The following TEX15 variants were observed in gnomAD, a reference collection of about 807,000 sequenced individuals.
The protein encoded by TEX15 is testis-expressed protein 15.
TEX15 carries 171 observed loss-of-function variants against 237.3 expected under a neutral mutation model. That is an observed-to-expected ratio of 0.72 (90% CI 0.64 to 0.82). The LOEUF is 0.82. TEX15 is among the 40% of genes least tolerant of loss of function. The pLI is 0.00. For missense variants in TEX15, 3,750 were observed against 3,646.5 expected (o/e 1.03, Z -0.73); for synonymous variants, 1,338 against 1,269.8 (o/e 1.05, Z -1.14).
rs771005515 is a variant in TEX15 at position 30,846,891 on chromosome 8, T to C, written c.3276A>G (p.Ser1092=). ...ENMLCEEFVT[S]YKALKSRISW... is the part of the protein sequence containing the mutation. Reference sequence around the variant, plus strand: ...TGATACGAGACTTCAGAGCCTTATATGAGGTCACAAATTCTTCACAAAGCA... The same window carrying C: ...TGATACGAGACTTCAGAGCCTTATACGAGGTCACAAATTCTTCACAAAGCA... Residue 1092 remains serine, a synonymous_variant, in exon 8 of 11, where the codon TCA becomes TCG. Transcript: ENST00000643185. 63 of 1,613,868 alleles carry C rather than the reference T, an allele frequency of 3.9e-5. No individual in the cohort carries two copies. Among genetic ancestry groups the C allele is most frequent in the Non-Finnish European group, 5.3e-5 (62 of 1,179,816 alleles).
chr8:30,837,870 G>A lies in TEX15; in HGVS notation c.8414C>T (p.Ser2805Phe), dbSNP rs776845913. 6 of 1,614,144 alleles carry A rather than the reference G, an allele frequency of 3.7e-6. No individual in the cohort carries two copies. Among genetic ancestry groups the A allele is most frequent in the Non-Finnish European group, 5.1e-6 (6 of 1,180,010 alleles). ...SESKIDLTVS[S>F]DHFSGQQENL... is the part of the protein sequence containing the mutation. Reference sequence around the variant, plus strand: ...TTCCTGTTGTCCACTGAAGTGATCAGATGAAACAGTTAAGTCTATTTTGCT... The same window carrying A: ...TTCCTGTTGTCCACTGAAGTGATCAAATGAAACAGTTAAGTCTATTTTGCT... Residue 2805 changes from serine to phenylalanine, a missense_variant, in exon 10 of 11, where the codon TCT becomes TTT. By Grantham distance (155) the Ser-to-Phe change is radical (BLOSUM62 -2). Transcript: ENST00000643185.
At chr8:30,912,636 T>C (rs1809256146) in intron 1 of TEX15, among the ~76,000 whole-genome samples, 1 of 152,208 alleles carries the variant, frequency 6.6e-6, no homozygotes, top group African/African-American at 2.4e-5. Context: ...ATTTCACCTG[T>C]AGAGTCGGCT....
At chr8:30,907,673 T>G (rs893823181) in intron 1 of TEX15, among the ~76,000 whole-genome samples, 7 of 137,498 alleles carry the variant, frequency 5.1e-5, no homozygotes, top group Non-Finnish European at 1.1e-4. Context: ...TATATATAAA[T>G]TATATATAAA....
intron 2 of TEX15, among the ~76,000 whole-genome samples, chr8:30,894,343 T>C (rs1368965014): frequency 6.6e-6 from 1 of 152,154 alleles, no homozygotes; most frequent in Non-Finnish European, 1.5e-5. Flanking sequence ...AAAATCCGTA[T>C]TTGATAATTC....
At chr8:30,866,491 C>A (rs565827965) in intron 5 of TEX15, among the ~76,000 whole-genome samples, 1 of 152,160 alleles carries the variant, frequency 6.6e-6, no homozygotes, top group South Asian at 2.1e-4. Flanking sequence ...AAGATCATCA[C>A]TCATAACAAC....
In TEX15 at chr8:30,845,523, C is replaced by T. The variant is rs749211982; in HGVS notation, c.4644G>A (p.Gln1548=). Residue 1548 remains glutamine, a synonymous_variant, in exon 8 of 11, where the codon CAG becomes CAA. Coordinates refer to ENST00000643185, the MANE Select transcript of TEX15 (RefSeq NM_001350162.2). The part of the protein sequence containing the change: ...VSNPSLSEEH[Q]PFSGKTAYLF... ...GATATGCAGTTTTTCCAGAAAAGGG[C>T]TGATGTTCTTCTGATAAACTTGGAT... is the stretch of plus-strand genomic sequence containing the variant. The T allele has an allele frequency of 1.4e-5, 22 of 1,613,578 alleles. No homozygotes were observed. Among genetic ancestry groups the T allele is most frequent in the Non-Finnish European group, 1.9e-5 (22 of 1,179,616 alleles).
Position 30,847,321 on chromosome 8 carries a change from A to G in TEX15, c.2846T>C (p.Val949Ala), listed in dbSNP as rs1386816683. 2 of 1,613,754 alleles carry G rather than the reference A, an allele frequency of 1.2e-6. No homozygotes were observed. The highest frequency in any genetic ancestry group is 2.7e-5 in the African/African-American group (2 of 74,916). The part of the protein sequence containing the change: ...LESEEDTISA[V>A]KQKDTENTGR... ...AGTATTTTCAGTATCTTTTTGTTTC[A>G]CGGCACTAATGGTATCTTCTTCACT... is the stretch of plus-strand genomic sequence containing the variant. Residue 949 changes from valine (V) to alanine (A), a missense_variant, in exon 8 of 11, where the codon GTG becomes GCG. Val to Ala is a moderately conservative substitution (Grantham distance 64, BLOSUM62 0). Coordinates refer to ENST00000643185, the MANE Select transcript of TEX15 (RefSeq NM_001350162.2).
chr8:30,882,053 T>C (rs953713595), intron 3 of TEX15, among the ~76,000 whole-genome samples: 1 of 152,200 alleles, frequency 6.6e-6, no homozygotes, highest in Non-Finnish European at 1.5e-5. Flanking sequence ...CCCTCAAATT[T>C]GGGTATGTTG....
intron 3 of TEX15, among the ~76,000 whole-genome samples, chr8:30,884,628 G>A (rs1471188031): frequency 6.6e-6 from 1 of 152,158 alleles, no homozygotes; most frequent in Non-Finnish European, 1.5e-5. Flanking sequence ...GCCCAGAGTT[G>A]TTCATAGTAT....
At chr8:30,887,376 A>C in intron 2 of TEX15, 65 bp from the exon 3 acceptor site, 1 of 1,305,468 alleles carries the variant, frequency 7.7e-7, no homozygotes, top group Non-Finnish European at 1.0e-6. Flanking sequence ...ATGGCAGTAC[A>C]ATCATTTAAA....
intron 4 of TEX15, 55 bp downstream of exon 4, chr8:30,874,882 T>A: frequency 9.3e-7 from 1 of 1,076,972 alleles, no homozygotes. Flanking sequence ...AGCATAAAAC[T>A]CCATAGTAAC....
At chr8:30,864,203 G>A (rs1184646335) in intron 5 of TEX15, among the ~76,000 whole-genome samples, 2 of 151,534 alleles carry the variant, frequency 1.3e-5, no homozygotes, top group Non-Finnish European at 2.9e-5. Flanking sequence ...AGGCAGATAT[G>A]AGCAGGCAAA....
chr8:30,909,359 T>A (rs1809171340), intron 1 of TEX15, among the ~76,000 whole-genome samples: 1 of 151,498 alleles, frequency 6.6e-6, no homozygotes, highest in South Asian at 2.1e-4. Context: ...AAACTGCATC[T>A]GTGCCAAAGT....
At position 30,845,210 on chromosome 8, in the gene TEX15, CTGATA is replaced by C; in HGVS notation, c.4952_4956del (p.Ile1651SerfsTer12). Reference sequence around the variant, plus strand: ...AAGTGCTTCACATTTGAATCTAAGACTGATATAAGTACGTCAGTTTTCGCCTTTGT... The same window carrying C: ...AAGTGCTTCACATTTGAATCTAAGACTAAGTACGTCAGTTTTCGCCTTTGT... On this transcript the variant is annotated frameshift_variant, in exon 8 of 11. Coordinates refer to ENST00000643185, the MANE Select transcript of TEX15 (RefSeq NM_001350162.2). LOFTEE classifies it high-confidence loss of function. 1 of 1,613,502 alleles carries C rather than the reference CTGATA, an allele frequency of 6.2e-7. No individual in the cohort carries two copies. Among genetic ancestry groups the C allele is most frequent in the Non-Finnish European group, 8.5e-7 (1 of 1,179,538 alleles).
At chr8:30,878,660 T>C (rs1325285319) in intron 3 of TEX15, among the ~76,000 whole-genome samples, 1 of 152,178 alleles carries the variant, frequency 6.6e-6, no homozygotes, top group Non-Finnish European at 1.5e-5. Flanking sequence ...GTGCTGGGAA[T>C]ACATGCGTGA....
intron 7 of TEX15, among the ~76,000 whole-genome samples, chr8:30,850,001 T>G (rs1443188138): frequency 6.6e-6 from 1 of 152,036 alleles, no homozygotes; most frequent in Admixed American, 6.6e-5. Context: ...TATTCAGATG[T>G]TTAATAATAG....
chr8:30,874,699 T>C (rs879611343), intron 4 of TEX15, among the ~76,000 whole-genome samples: 5 of 152,156 alleles, frequency 3.3e-5, no homozygotes, highest in Non-Finnish European at 7.4e-5. Context: ...GAAAAATTTA[T>C]CAAGGTTAAA....
At position 30,859,960 on chromosome 8, in the gene TEX15, T is replaced by C. The variant is rs1357906920; in HGVS notation, c.638A>G (p.Asn213Ser). 6.6e-7 allele frequency: 1 copy of C among 1,518,630 alleles called. No individual in the cohort carries two copies. Among genetic ancestry groups the C allele is most frequent in the South Asian group, 1.3e-5 (1 of 79,214 alleles). 94.1% of individuals were successfully genotyped at this position (1,518,630 alleles called of 1,614,324 possible). Residue 213 changes from asparagine (N) to serine (S), a missense_variant, in exon 6 of 11, where the codon AAT (asparagine) becomes AGT (serine). Transcript: ENST00000643185. The part of the protein sequence containing the change: ...SPNFDCHMSR[N>S]APSLKDTIEL... ...AATGGTATCTTTCAAAGAAGGTGCA[T>C]TTCTTGACATATGGCAATCAAAGTT...
At position 30,888,610 on chromosome 8, in the gene TEX15, T is replaced by C. The variant is rs1808716514; in HGVS notation, c.-9-1299A>G. On this transcript the variant is annotated intron_variant, in intron 2 of 10. Coordinates refer to ENST00000643185, the MANE Select transcript of TEX15 (RefSeq NM_001350162.2). ...GCTATGGAGTATACACACAGGGAAA[T>C]ATATATAAGCAGGTATTTTTCGTAC... 3 of 1,288,318 alleles carry C rather than the reference T, an allele frequency of 2.3e-6. No individual in the cohort carries two copies. In the South Asian group the frequency reaches 3.7e-5, roughly 16 times the overall value. The allele number at this position is 1,288,318 out of a possible 1,614,324, so 79.8% of individuals were successfully genotyped here.
Sources: gnomAD v4.1 joint callset for allele counts (sites outside exome capture counted in the v4.1 genomes callset) on GRCh38, gnomAD v4.1.1 for gene constraint, MANE v1.5 for transcripts, NCBI Gene and HGNC (gene_info 2026-07-23, HGNC 2026-07-21) for gene names.